Variants in SCN1A observed in about 807,000 individuals in gnomAD.
SCN1A encodes sodium voltage-gated channel alpha subunit 1, also known as sodium channel protein type 1 subunit alpha.
A neutral mutation model predicts 193.7 loss-of-function variants in SCN1A; 13 were observed. The ratio of observed to expected loss-of-function variants is 0.07; its 90% CI spans 0.04 to 0.11. The LOEUF (loss-of-function observed/expected upper bound fraction) is 0.11. Among genes scored for constraint, SCN1A ranks in the 10% least tolerant of loss-of-function variants. The pLI, the probability that SCN1A is intolerant of heterozygous loss-of-function variation, is 1.00. For synonymous variants in SCN1A, 781 were observed against 843.6 expected, an observed-to-expected ratio of 0.93 and a Z score of 1.29; for missense variants, 1,432 against 2,451.1, an observed-to-expected ratio of 0.58 and a Z score of 8.78.
chr2:166,145,212 T>G (rs1692270573), intron 1 of SCN1A, among the ~76,000 whole-genome samples: 1 of 121,910 alleles, frequency 8.2e-6, no homozygotes, highest in South Asian at 2.9e-4. Flanking sequence ...CAGGCTGGAG[T>G]GCAGTGGTGC....
chr2:166,091,274 C>T (rs74768912), intron 2 of SCN1A, among the ~76,000 whole-genome samples: 3,352 of 152,110 alleles, frequency 0.022, 285 homozygotes, highest in Admixed American at 0.16. Context: ...TTTTTGAAAA[C>T]TCACATAACA....
intron 23 of SCN1A, 103 bp downstream of exon 23, chr2:166,009,616 G>T: frequency 8.6e-7 from 1 of 1,166,254 alleles, no homozygotes; most frequent in East Asian, 2.6e-5. Flanking sequence ...AATTTTGCAA[G>T]AATTTGCCAT....
intron 2 of SCN1A, among the ~76,000 whole-genome samples, chr2:166,109,249 TCTG>T (rs1220307705): frequency 1.3e-5 from 2 of 152,186 alleles, no homozygotes; most frequent in Non-Finnish European, 2.9e-5. Context: ...TGGATCCTAC[TCTG>T]ACTAACTAGG....
At chr2:165,995,847 TTG>T (rs1689960271) in intron 27 of SCN1A, among the ~76,000 whole-genome samples, 164 bp downstream of exon 27, 1 of 151,732 alleles carries the variant, frequency 6.6e-6, no homozygotes, top group Admixed American at 6.6e-5. Flanking sequence ...TTAATTTTTT[TTG>T]TTGTTACCAT....
At chr2:166,012,947 T>C (rs1692736161) in intron 21 of SCN1A, among the ~76,000 whole-genome samples, 2 of 151,286 alleles carry the variant, frequency 1.3e-5, no homozygotes, top group Admixed American at 1.3e-4. Flanking sequence ...AAAATATTTC[T>C]TTCTTCAGAA....
Position 166,051,966 on chromosome 2 carries a change from G to T in SCN1A, c.717C>A (p.Ala239=), listed in dbSNP as rs759923734. The change falls in exon 9 of 29, where the codon GCC becomes GCA. Residue 239 remains alanine, a synonymous_variant. Transcript: ENST00000674923. ...AGAGCTTCTTCACAGACTGGATCAG[G>T]GCTCCCACAATGGTTTTCAGGCCTG... is the stretch of plus-strand genomic sequence containing the variant. ...VIPGLKTIVG[A]LIQSVKKLSD... is the part of the protein sequence containing the mutation. The T allele has an allele frequency of 3.1e-6, 5 of 1,611,692 alleles. No individual in the cohort carries two copies. The highest frequency in any genetic ancestry group is 3.4e-6 in the Non-Finnish European group (4 of 1,178,518).
At chr2:166,124,291 G>A (rs555720341) in intron 2 of SCN1A, among the ~76,000 whole-genome samples, 12 of 151,408 alleles carry the variant, frequency 7.9e-5, no homozygotes, top group African/African-American at 2.7e-4. Context: ...GCTCACTCCT[G>A]TAATCCCAGC....
chr2:166,133,728 C>T (rs1450136337), intron 1 of SCN1A: 3 of 152,080 alleles, frequency 2.0e-5, no homozygotes, highest in Admixed American at 1.3e-4. Context: ...CACTAAATGT[C>T]GTTTTTCAAA....
At chr2:166,066,822 G>A (rs1387351453) in intron 4 of SCN1A, among the ~76,000 whole-genome samples, 3 of 152,120 alleles carry the variant, frequency 2.0e-5, no homozygotes, top group Admixed American at 1.3e-4. Context: ...AATGTAAAGT[G>A]GACCATGTTA....
At chr2:166,103,566 T>G (rs530382044) in intron 2 of SCN1A, among the ~76,000 whole-genome samples, 1 of 152,048 alleles carries the variant, frequency 6.6e-6, no homozygotes, top group Non-Finnish European at 1.5e-5. Flanking sequence ...ATCACTTCTT[T>G]TGGGATATGA....
rs760561246 is a variant in SCN1A at position 165,993,180 on chromosome 2, A to AGTGTGT, written c.4853-764_4853-759dup. On this transcript the variant is annotated intron_variant, in intron 28 of 28. Transcript: ENST00000674923. ...TCATTCTGAAAAGACGAAGTGTAAG[A>AGTGTGT]GTGTGTGTGTGTGTGTGTGTGTGTG... 1,184 of 143,232 alleles carry AGTGTGT rather than the reference A, an allele frequency of 8.3e-3. 7 individuals carry two copies. The highest frequency in any genetic ancestry group is 0.034 in the East Asian group (162 of 4,818). The allele number at this position is 143,232 out of a possible 1,614,324, so 8.9% of individuals were successfully genotyped here.
At chr2:166,047,019 C>T (rs372706954) in intron 11 of SCN1A, 43 bp from the exon 12 acceptor site, 3 of 1,603,444 alleles carry the variant, frequency 1.9e-6, no homozygotes, top group Non-Finnish European at 2.6e-6. Flanking sequence ...TATTATTTCA[C>T]TAAGTGGTGG....
chr2:165,984,919 A>G (rs1321301452), downstream of SCN1A: 1 of 152,168 alleles, frequency 6.6e-6, no homozygotes, highest in African/African-American at 2.4e-5. Flanking sequence ...TTATATCAAC[A>G]AGATTATTCA....
upstream of SCN1A, among the ~76,000 whole-genome samples, chr2:166,132,356 T>C (rs915976799): frequency 7.0e-5 from 10 of 143,396 alleles, no homozygotes; most frequent in African/African-American, 2.6e-4. Flanking sequence ...ACTTTGCTTT[T>C]GTAGATGTCA....
intron 21 of SCN1A, among the ~76,000 whole-genome samples, chr2:166,013,304 A>C (rs1200923087): frequency 6.6e-6 from 1 of 151,560 alleles, no homozygotes; most frequent in East Asian, 1.9e-4. Context: ...CAATTGGAAA[A>C]AGACAGAGAA....
At chr2:166,030,224 C>T (rs1265804187) in intron 19 of SCN1A, among the ~76,000 whole-genome samples, 1 of 152,196 alleles carries the variant, frequency 6.6e-6, no homozygotes, top group Non-Finnish European at 1.5e-5. Context: ...CAACCACTTA[C>T]TGTTTGTGTA....
At chr2:166,059,717 T>A (rs1480669660) in intron 4 of SCN1A, among the ~76,000 whole-genome samples, 1 of 152,188 alleles carries the variant, frequency 6.6e-6, no homozygotes, top group African/African-American at 2.4e-5. Flanking sequence ...TCTGCACAGA[T>A]CATGTTATGA....
chr2:166,076,722 G>A (rs1033755462), intron 3 of SCN1A, among the ~76,000 whole-genome samples: 6 of 151,870 alleles, frequency 4.0e-5, no homozygotes, highest in East Asian at 3.9e-4. Context: ...TAGTGAGTGT[G>A]GAAGAAGGCC....
At chr2:166,127,161 T>G (rs1691341717) in intron 1 of SCN1A, 151 bp from the exon 2 acceptor site, 1 of 152,174 alleles carries the variant, frequency 6.6e-6, no homozygotes, top group Non-Finnish European at 1.5e-5. Flanking sequence ...CAAGCTCTTT[T>G]TTAGTGTGGC....
Sources: gnomAD v4.1 joint callset for allele counts (sites outside exome capture counted in the v4.1 genomes callset) on GRCh38, gnomAD v4.1.1 for gene constraint, MANE v1.5 for transcripts, NCBI Gene and HGNC (gene_info 2026-07-23, HGNC 2026-07-21) for gene names.